Variants in VPS26B observed in about 807,000 individuals in gnomAD.
VPS26B encodes VPS26 retromer complex component B, also known as vacuolar protein sorting-associated protein 26B.
Under a neutral mutation model 33.3 loss-of-function variants are expected in VPS26B, and 10 were observed. The ratio of observed to expected loss-of-function variants is 0.30; its 90% confidence interval spans 0.19 to 0.51. The LOEUF (loss-of-function observed/expected upper bound fraction) is 0.51, where lower values mean the gene tolerates loss of function less well. Among genes scored for constraint, VPS26B ranks in the 20% least tolerant of loss-of-function variants. VPS26B has a pLI of 0.98. For synonymous variants in VPS26B, 190 were observed against 176.9 expected (o/e 1.07, Z -0.59); for missense variants, 317 against 452.7 (o/e 0.70, Z 2.72).
chr11:134,225,405 A>G, intron 1 of VPS26B, 60 bp downstream of exon 1: 1 of 1,546,068 alleles, frequency 6.5e-7, no homozygotes, highest in Non-Finnish European at 8.9e-7. Flanking sequence ...GAGCAGGGTG[A>G]TTCAGGGCCC....
At position 134,245,780 on chromosome 11, in the gene VPS26B, T is replaced by C; in HGVS notation, c.*190T>C. ...GGGGCTTGGGGTGGGAAGCAGTCTC[T>C]CCTTGGGATTCTGCGGCCGATGTGG... On this transcript the variant is annotated 3_prime_UTR_variant, in exon 6 of 6. Transcript: ENST00000281187. The surrounding 1 kb of genome is among the most constrained non-coding windows in gnomAD (Gnocchi z 4.7). The C allele has an allele frequency of 1.3e-6, 1 of 743,302 alleles. No homozygotes were observed. The highest frequency in any genetic ancestry group is 2.1e-6 in the Non-Finnish European group (1 of 474,364). The allele number at this position is 743,302 out of a possible 1,614,324, so 46.0% of individuals were successfully genotyped here.
chr11:134,245,616 G>C lies in VPS26B; in HGVS notation c.*26G>C. On this transcript the variant is annotated 3_prime_UTR_variant, in exon 6 of 6. Coordinates refer to ENST00000281187, the MANE Select transcript of VPS26B (RefSeq NM_052875.5). The surrounding 1 kb of genome is among the most constrained non-coding windows in gnomAD (Gnocchi z 4.7). ...GCCCCCAGGGCCGAGAAGATGCTGG[G>C]CACCCACCCAGCACCCCCATCTACC... 1 of 1,587,110 alleles carries C rather than the reference G, an allele frequency of 6.3e-7. No individual in the cohort carries two copies. The highest frequency in any genetic ancestry group is 8.6e-7 in the Non-Finnish European group (1 of 1,168,590).
intron 2 of VPS26B, 154 bp downstream of exon 2, chr11:134,235,207 C>A: frequency 3.1e-6 from 3 of 978,920 alleles, no homozygotes; most frequent in African/African-American, 1.6e-5. Context: ...TAACCGTGGG[C>A]CTTCTAGGAG....
intron 1 of VPS26B, among the ~76,000 whole-genome samples, chr11:134,232,488 T>C (rs532794220): frequency 2.0e-5 from 3 of 152,332 alleles, no homozygotes; most frequent in South Asian, 2.1e-4. Context: ...AGAGCTGATA[T>C]TAACATGTGT....
Position 134,225,047 on chromosome 11 carries a change from C to T in VPS26B, c.-76C>T. ...GCGCTCGCGCATCGGGCCCTCTGGCCTTCTTTACCTAGGGCAGCCCGCGCC... is the reference window on the plus strand; with the variant it reads ...GCGCTCGCGCATCGGGCCCTCTGGCTTTCTTTACCTAGGGCAGCCCGCGCC... On this transcript the variant is annotated 5_prime_UTR_variant, in exon 1 of 6. Coordinates refer to ENST00000281187, the MANE Select transcript of VPS26B (RefSeq NM_052875.5). The T allele has an allele frequency of 3.5e-6, 5 of 1,428,524 alleles. No individual in the cohort carries two copies. Among genetic ancestry groups the T allele is most frequent in the Non-Finnish European group, 4.7e-6 (5 of 1,070,610 alleles). The allele number at this position is 1,428,524 out of a possible 1,614,324, so 88.5% of individuals were successfully genotyped here. A position where few individuals can be genotyped will look rare whatever the true frequency, so the allele number is the denominator to read the frequency against.
At chr11:134,237,376 G>C (rs892409802) in intron 2 of VPS26B, among the ~76,000 whole-genome samples, 7 of 152,222 alleles carry the variant, frequency 4.6e-5, no homozygotes, top group African/African-American at 1.4e-4. Context: ...CAGCCGTGGA[G>C]ATGGAGACAG....
intron 2 of VPS26B, among the ~76,000 whole-genome samples, chr11:134,237,725 G>A (rs1565357307): frequency 6.6e-6 from 1 of 152,186 alleles, no homozygotes; most frequent in Non-Finnish European, 1.5e-5. Flanking sequence ...TTCACGGGAC[G>A]CAGAATCAAG....
At chr11:134,238,522 G>A (rs1938669238) in intron 2 of VPS26B, among the ~76,000 whole-genome samples, 1 of 152,206 alleles carries the variant, frequency 6.6e-6, no homozygotes, top group South Asian at 2.1e-4. Context: ...AGCAGCCAGT[G>A]CCACACAGAG....
intron 1 of VPS26B, among the ~76,000 whole-genome samples, chr11:134,228,035 A>G (rs957350130): frequency 6.6e-6 from 1 of 152,246 alleles, no homozygotes. Flanking sequence ...GCTGAAGTAT[A>G]TTGTTCACGC....
chr11:134,244,748 G>A lies in VPS26B; in HGVS notation c.722-190G>A. The A allele has an allele frequency of 1.6e-6, 1 of 641,334 alleles. No homozygotes were observed. Among genetic ancestry groups the A allele is most frequent in the Admixed American group, 3.3e-5 (1 of 30,752 alleles). 39.7% of individuals were successfully genotyped at this position (641,334 alleles called of 1,614,324 possible). ...GACATGAGAAGCTGCAACATGACCT[G>A]GAGTGGAACTGGAGAGTCACATTTT... On this transcript the variant is annotated intron_variant, in intron 4 of 5. Coordinates refer to ENST00000281187, the MANE Select transcript of VPS26B (RefSeq NM_052875.5). The surrounding 1 kb of genome is among the most constrained non-coding windows in gnomAD (Gnocchi z 4.0).
At position 134,240,745 on chromosome 11, in the gene VPS26B, T is replaced by TGCACCGCCAC. The variant is rs1938705522; in HGVS notation, c.545+591_545+600dup. ...CTACAAGTAGCTAGGAGCACAGGCA[T>TGCACCGCCAC]GCACCGCCACACCCAGCTAATTTGT... On this transcript the variant is annotated intron_variant, in intron 3 of 5. Coordinates refer to ENST00000281187, the MANE Select transcript of VPS26B (RefSeq NM_052875.5). This position sits in a 1 kb window ranked among gnomAD's most constrained non-coding sequence, Gnocchi z 4.4. Among the ~76,000 whole-genome samples the TGCACCGCCAC allele has an allele frequency of 6.6e-6, 1 of 151,722 alleles. No homozygotes were observed. Among genetic ancestry groups the TGCACCGCCAC allele is most frequent in the South Asian group, 2.1e-4 (1 of 4,806 alleles).
At chr11:134,238,013 G>A (rs1240555327) in intron 2 of VPS26B, among the ~76,000 whole-genome samples, 1 of 152,218 alleles carries the variant, frequency 6.6e-6, no homozygotes, top group East Asian at 1.9e-4. Flanking sequence ...TAGCTAGAGG[G>A]AGATTGATGA....
intron 2 of VPS26B, among the ~76,000 whole-genome samples, chr11:134,237,688 G>A (rs1043375102): frequency 3.3e-5 from 5 of 152,136 alleles, no homozygotes; most frequent in East Asian, 1.9e-4. Context: ...GTGGAACCGC[G>A]GGAAGAGTGT....
rs1938776263 is a variant in VPS26B at position 134,244,237 on chromosome 11, A to T, written c.722-701A>T. ...AATGCATGTAAAAGAGCAGATAATG[A>T]TAAGATGGCTTATATTTAGCTTTAG... On this transcript the variant is annotated intron_variant, in intron 4 of 5. Coordinates refer to ENST00000281187, the MANE Select transcript of VPS26B (RefSeq NM_052875.5). This position sits in a 1 kb window ranked among gnomAD's most constrained non-coding sequence, Gnocchi z 4.0. 1 of 152,234 alleles carries T rather than the reference A, an allele frequency of 6.6e-6. No individual in the cohort carries two copies. 9.4% of individuals were successfully genotyped at this position (152,234 alleles called of 1,614,324 possible). A position where few individuals can be genotyped will look rare whatever the true frequency, so the allele number is the denominator to read the frequency against.
At chr11:134,230,380 A>G (rs571064011) in intron 1 of VPS26B, among the ~76,000 whole-genome samples, 1 of 152,302 alleles carries the variant, frequency 6.6e-6, no homozygotes, top group East Asian at 1.9e-4. Flanking sequence ...CTTTTCCCAC[A>G]TCTCCTCCCA....
chr11:134,241,366 G>GT (rs1334230472), intron 3 of VPS26B, among the ~76,000 whole-genome samples: 1 of 152,174 alleles, frequency 6.6e-6, no homozygotes, highest in East Asian at 1.9e-4. Context: ...GGAATGGTGT[G>GT]TTTTTTCCCC....
rs1368578957 is a variant in VPS26B at position 134,224,816 on chromosome 11, C to G, written c.-307C>G. 1 of 155,586 alleles carries G rather than the reference C, an allele frequency of 6.4e-6. No individual in the cohort carries two copies. Among genetic ancestry groups the G allele is most frequent in the African/African-American group, 2.4e-5 (1 of 41,462 alleles). The allele number at this position is 155,586 out of a possible 1,614,324, so 9.6% of individuals were successfully genotyped here. On this transcript the variant is annotated 5_prime_UTR_variant, in exon 1 of 6. Transcript: ENST00000281187. ...CCCCCGCAGCATTGCACGGCCGACC[C>G]TCGCCCGCCCACTGCCACCGGCCGC...
intron 1 of VPS26B, among the ~76,000 whole-genome samples, chr11:134,232,429 A>C (rs777632267): frequency 3.3e-5 from 5 of 152,250 alleles, no homozygotes; most frequent in Non-Finnish European, 7.3e-5. Flanking sequence ...AGGCCAGGCC[A>C]GCCCTGCTGT....
chr11:134,229,021 CTTTGTTT>C (rs1331714085), intron 1 of VPS26B, among the ~76,000 whole-genome samples: 1 of 152,066 alleles, frequency 6.6e-6, no homozygotes, highest in East Asian at 1.9e-4. Flanking sequence ...GACTTATTTT[CTTTGTTT>C]TTTATTTAAA....
Sources: gnomAD v4.1 joint callset for allele counts (sites outside exome capture counted in the v4.1 genomes callset) on GRCh38, gnomAD v4.1.1 for gene constraint, Gnocchi (gnomAD v3.1) non-coding constraint, MANE v1.5 for transcripts, NCBI Gene and HGNC (gene_info 2026-07-23, HGNC 2026-07-21) for gene names.